Variants in OBI1 observed in about 807,000 individuals in gnomAD.
OBI1 encodes ORC ubiquitin ligase 1.
In OBI1, 59 loss-of-function variants were observed where a neutral mutation model predicts 62.4. The observed-to-expected ratio is 0.95, with a 90% CI of 0.77 to 1.17. The LOEUF is 1.17. Among genes scored for constraint, OBI1 ranks in the 50% most tolerant of loss-of-function variants. The pLI, the probability that OBI1 is intolerant of heterozygous loss-of-function variation, is 0.00. For missense variants in OBI1, 875 were observed against 830.9 expected (o/e 1.05, Z -0.65); for synonymous variants, 302 against 292.8 (o/e 1.03, Z -0.32).
intron 5 of OBI1, among the ~76,000 whole-genome samples, chr13:78,618,593 T>C (rs929136841): frequency 1.3e-4 from 20 of 152,104 alleles, no homozygotes; most frequent in African/African-American, 4.3e-4. Flanking sequence ...TATAGAATCA[T>C]AAAATCTCAA....
rs747054109 is a variant in OBI1, at chr13:78,615,668, T to G, written c.2093A>C (p.Lys698Thr). The change falls in exon 6 of 6, where the codon AAG becomes ACG. Residue 698 changes from lysine to threonine, a missense_variant. Transcript: ENST00000282003. ...SPWSTSFVPE[K>T]RNKNVNQSTK... Reference sequence around the variant, plus strand: ...TGATTGATTCACATTTTTATTCCTCTTTTCAGGCACAAAGGAAGTAGACCA... The same window carrying G: ...TGATTGATTCACATTTTTATTCCTCGTTTCAGGCACAAAGGAAGTAGACCA... 2 of 1,613,998 alleles carry G rather than the reference T, an allele frequency of 1.2e-6. No homozygotes were observed. The highest frequency in any genetic ancestry group is 2.7e-5 in the African/African-American group (2 of 74,916).
At chr13:78,639,959 A>T (rs1301124553) in intron 3 of OBI1, among the ~76,000 whole-genome samples, 5 of 151,528 alleles carry the variant, frequency 3.3e-5, no homozygotes, top group African/African-American at 7.3e-5. Context: ...AACCTGCACA[A>T]TGTGCACATG....
At chr13:78,658,098 G>C (rs1378826813) in intron 1 of OBI1, among the ~76,000 whole-genome samples, 1 of 152,156 alleles carries the variant, frequency 6.6e-6, no homozygotes, top group African/African-American at 2.4e-5. Flanking sequence ...CGTATTGGCC[G>C]GCACTCAAAT....
At position 78,622,638 on chromosome 13, in the gene OBI1, GC is replaced by G. The variant is rs1039719492; in HGVS notation, c.639-5517del. On this transcript the variant is annotated intron_variant, in intron 5 of 5. Transcript: ENST00000282003. ...TTTCAGAGAGAAGAGCTTTCCATTT[GC>G]CCTTTCCTTTCTTAATTATATCTCC... Among the ~76,000 whole-genome samples, 29 of 152,246 alleles carry G rather than the reference GC, an allele frequency of 1.9e-4. No individual in the cohort carries two copies. The East Asian group carries it at 3.3e-3, about 17-fold the overall frequency.
At chr13:78,645,070 C>A in intron 1 of OBI1, 73 bp from the exon 2 acceptor site, 1 of 1,393,950 alleles carries the variant, frequency 7.2e-7, no homozygotes, top group Non-Finnish European at 9.8e-7. Flanking sequence ...TAGTTTACAG[C>A]AAACTGCTTC....
chr13:78,625,874 CGTGATAAACAAAAAAGGCCAGAATA>C (rs1875650355), intron 5 of OBI1, among the ~76,000 whole-genome samples: 1 of 152,070 alleles, frequency 6.6e-6, no homozygotes, highest in Non-Finnish European at 1.5e-5. Context: ...AGAGAAGAAT[CGTGATAAACAAAAAAGGCCAGAATA>C]GGTCAAGAAG....
intron 1 of OBI1, 144 bp downstream of exon 1, chr13:78,658,905 G>A (rs541434306): frequency 3.1e-6 from 2 of 649,724 alleles, no homozygotes; most frequent in Non-Finnish European, 5.5e-6. Context: ...CCAGGACGCG[G>A]CCTCCCATCA....
At chr13:78,652,612 A>T (rs1305163595) in intron 1 of OBI1, among the ~76,000 whole-genome samples, 9 of 152,060 alleles carry the variant, frequency 5.9e-5, no homozygotes, top group Admixed American at 3.9e-4. Flanking sequence ...GGCACTAGGG[A>T]CTGGTTTCGT....
intron 5 of OBI1, among the ~76,000 whole-genome samples, chr13:78,630,331 T>C (rs527367021): frequency 6.6e-6 from 1 of 152,156 alleles, no homozygotes; most frequent in Non-Finnish European, 1.5e-5. Flanking sequence ...TAAACTCCCA[T>C]TTACTCATAA....
rs544059597 is a variant in OBI1 at position 78,616,622 on chromosome 13, T to A, written c.1139A>T (p.Asp380Val). 2.2e-5 allele frequency: 36 copies of A among 1,614,180 alleles called. No individual in the cohort carries two copies. The highest frequency in any genetic ancestry group is 3.1e-5 in the Non-Finnish European group (36 of 1,180,022). The change falls in exon 6 of 6, where the codon GAT (aspartate) becomes GTT (valine). Residue 380 changes from aspartate to valine, a missense_variant. Asp to Val is a radical substitution (Grantham distance 152, BLOSUM62 -3). Coordinates refer to ENST00000282003, the MANE Select transcript of OBI1 (RefSeq NM_024546.4). ...NKPSDCVPYK[D>V]EELYDLPAPC... ...AGCTGGAAGATCATAAAGTTCTTCA[T>A]CTTTGTAGGGTACACAGTCACTTGG...
At chr13:78,635,615 G>T (rs1221804757) in intron 4 of OBI1, among the ~76,000 whole-genome samples, 2 of 152,088 alleles carry the variant, frequency 1.3e-5, no homozygotes, top group Non-Finnish European at 2.9e-5. Flanking sequence ...GATTTCTGGG[G>T]TGCTGTTTAA....
At chr13:78,630,590 A>G (rs1176806695) in intron 5 of OBI1, among the ~76,000 whole-genome samples, 2 of 152,124 alleles carry the variant, frequency 1.3e-5, no homozygotes, top group African/African-American at 2.4e-5. Context: ...TCTGGGGCCT[A>G]TAGGTCAAAA....
At chr13:78,626,821 C>T (rs1206644092) in intron 5 of OBI1, among the ~76,000 whole-genome samples, 1 of 152,182 alleles carries the variant, frequency 6.6e-6, no homozygotes, top group Non-Finnish European at 1.5e-5. Flanking sequence ...TAATCCCAGA[C>T]TTTGGGAGGC....
chr13:78,619,417 G>A (rs1875438304), intron 5 of OBI1, among the ~76,000 whole-genome samples: 1 of 151,454 alleles, frequency 6.6e-6, no homozygotes, highest in Non-Finnish European at 1.5e-5. Flanking sequence ...TAATTTTTGT[G>A]TTATTTCAGA....
At chr13:78,633,217 C>T (rs998643876) in intron 5 of OBI1, among the ~76,000 whole-genome samples, 13 of 152,272 alleles carry the variant, frequency 8.5e-5, no homozygotes, top group African/African-American at 2.9e-4. Context: ...AACAGTAACA[C>T]TTCCTAAGCT....
rs762047001 is a variant in OBI1 at position 78,659,103 on chromosome 13, C to T, written c.18G>A (p.Gln6=). The T allele has an allele frequency of 1.9e-6, 3 of 1,612,292 alleles. No homozygotes were observed. Among genetic ancestry groups the T allele is most frequent in the South Asian group, 2.2e-5 (2 of 90,862 alleles). The stretch of plus-strand genomic sequence containing the variant: ...GCAGAGTGAGCGACAATGTAACATT[C>T]TGCACGGTCTGAGCCATGGCAGCGT... MAQTV[Q]NVTLSLTLPI... The change falls in exon 1 of 6, where the codon CAG becomes CAA. Residue 6 remains glutamine (Q), a synonymous_variant. Coordinates refer to ENST00000282003, the MANE Select transcript of OBI1 (RefSeq NM_024546.4).
intron 5 of OBI1, among the ~76,000 whole-genome samples, chr13:78,630,806 A>C (rs914449935): frequency 2.0e-5 from 3 of 152,190 alleles, no homozygotes; most frequent in Non-Finnish European, 4.4e-5. Flanking sequence ...CTTATAAGCC[A>C]ATCAGTTTAG....
chr13:78,657,475 T>C (rs1410202419), intron 1 of OBI1, among the ~76,000 whole-genome samples: 1 of 152,174 alleles, frequency 6.6e-6, no homozygotes, highest in African/African-American at 2.4e-5. Flanking sequence ...AATATTCTTA[T>C]TTTAAAAATG....
At chr13:78,623,336 C>T (rs1566276683) in intron 5 of OBI1, among the ~76,000 whole-genome samples, 1 of 148,054 alleles carries the variant, frequency 6.8e-6, no homozygotes, top group South Asian at 2.1e-4. Flanking sequence ...GTAACAAATA[C>T]ATCTTTAACA....
Sources: allele counts gnomAD v4.1 joint callset (sites outside exome capture counted in the v4.1 genomes callset), GRCh38; gene constraint gnomAD v4.1.1; transcripts MANE v1.5; gene names NCBI Gene and HGNC (gene_info 2026-07-23, HGNC 2026-07-21).